ACTN1: variants seen among roughly 807,000 people sequenced by gnomAD.
The protein encoded by ACTN1 is alpha-actinin-1.
In ACTN1, 30 loss-of-function variants were observed where a neutral mutation model predicts 119.6. The observed-to-expected ratio is 0.25, with a 90% CI of 0.19 to 0.34. The LOEUF (loss-of-function observed/expected upper bound fraction) is 0.34. Ranked by LOEUF, ACTN1 falls within the 10% of genes least tolerant of loss-of-function variation. ACTN1 has a pLI of 1.00. For missense variants in ACTN1, 764 were observed against 1,223.4 expected, an observed-to-expected ratio of 0.62 and a Z score of 5.60; for synonymous variants, 429 against 472.6, an observed-to-expected ratio of 0.91 and a Z score of 1.20.
chr14:68,884,084 G>T, intron 14 of ACTN1, 84 bp downstream of exon 14: 1 of 1,388,816 alleles, frequency 7.2e-7, no homozygotes, highest in South Asian at 1.5e-5. Flanking sequence ...CTTCCTCAGG[G>T]GGCAGTCCTG....
chr14:68,933,383 G>A (rs571493353), intron 1 of ACTN1, among the ~76,000 whole-genome samples: 1 of 152,132 alleles, frequency 6.6e-6, no homozygotes, highest in African/African-American at 2.4e-5. Context: ...TGATCCGCCC[G>A]CCTCAGCCTC....
Position 68,925,622 on chromosome 14 carries a change from G to T in ACTN1, c.156C>A (p.Ile52=). ...CCCGGAAGTCCTCTTCGATGTTCTC[G>T]ATCTGTGTCCCCGCCTTCCGGAGGT... The part of the protein sequence containing the change: ...NSHLRKAGTQ[I]ENIEEDFRDG... The change falls in exon 2 of 22, where the codon ATC becomes ATA. Residue 52 remains isoleucine (I), a synonymous_variant. Transcript: ENST00000394419. The surrounding 1 kb of genome is among the most constrained non-coding windows in gnomAD (Gnocchi z 4.3). 6.2e-7 allele frequency: 1 copy of T among 1,613,460 alleles called. No individual in the cohort carries two copies. The highest frequency in any genetic ancestry group is 8.5e-7 in the Non-Finnish European group (1 of 1,179,696).
chr14:68,917,683 G>T (rs1391496429), intron 3 of ACTN1, among the ~76,000 whole-genome samples: 1 of 152,226 alleles, frequency 6.6e-6, no homozygotes, highest in Non-Finnish European at 1.5e-5. Flanking sequence ...TGCTCAGCCT[G>T]ATGGGAGTGG....
intron 9 of ACTN1, among the ~76,000 whole-genome samples, chr14:68,893,098 A>T (rs1389783481): frequency 7.2e-5 from 11 of 152,170 alleles, no homozygotes; most frequent in Admixed American, 7.2e-4. Context: ...AGATCCACCA[A>T]GAGGCTGGGC....
Position 68,879,859 on chromosome 14 carries a change from C to T in ACTN1, c.2280+103G>A. The T allele has an allele frequency of 6.7e-7, 1 of 1,490,690 alleles. No individual in the cohort carries two copies. The highest frequency in any genetic ancestry group is 1.3e-5 in the South Asian group (1 of 77,312). 92.3% of individuals were successfully genotyped at this position (1,490,690 alleles called of 1,614,324 possible). On this transcript the variant is annotated intron_variant, in intron 18 of 21. Transcript: ENST00000394419. The surrounding 1 kb of genome is among the most constrained non-coding windows in gnomAD (Gnocchi z 4.9). Reference sequence around the variant, plus strand: ...CTGACGGCAGTTTCCCCTTTCTCTCCCTCCTCACTTGCATGGCAGCCCACG... The same window carrying T: ...CTGACGGCAGTTTCCCCTTTCTCTCTCTCCTCACTTGCATGGCAGCCCACG...
At chr14:68,934,720 T>A (rs956324945) in intron 1 of ACTN1, among the ~76,000 whole-genome samples, 1 of 152,250 alleles carries the variant, frequency 6.6e-6, no homozygotes, top group African/African-American at 2.4e-5. Flanking sequence ...ATTAATAAGG[T>A]ATTAGGTTAA....
At chr14:68,899,013 AC>A (rs1231380123) in intron 8 of ACTN1, among the ~76,000 whole-genome samples, 1 of 131,190 alleles carries the variant, frequency 7.6e-6, no homozygotes, top group African/African-American at 3.1e-5. Flanking sequence ...TACACCTCAC[AC>A]CCACAGCACA....
intron 1 of ACTN1, among the ~76,000 whole-genome samples, chr14:68,938,513 AGAC>A (rs1480480582): frequency 6.6e-6 from 1 of 152,146 alleles, no homozygotes; most frequent in Non-Finnish European, 1.5e-5. Flanking sequence ...ACAGAATGAA[AGAC>A]GACCAAATTA....
At chr14:68,931,394 C>T (rs1376455211) in intron 1 of ACTN1, among the ~76,000 whole-genome samples, 1 of 152,246 alleles carries the variant, frequency 6.6e-6, no homozygotes. Flanking sequence ...AGATGGTAAG[C>T]AGACCAGACA....
At chr14:68,936,547 G>A (rs2035525532) in intron 1 of ACTN1, 1 of 450,722 alleles carries the variant, frequency 2.2e-6, no homozygotes, top group Non-Finnish European at 4.2e-6. Context: ...TCTGTCTAGG[G>A]GGTGGCGGGA....
chr14:68,931,037 G>C (rs2035200936), intron 1 of ACTN1, among the ~76,000 whole-genome samples: 1 of 152,184 alleles, frequency 6.6e-6, no homozygotes, highest in African/African-American at 2.4e-5. Flanking sequence ...TCAACCTCCT[G>C]ACTCCTCCAG....
rs75219984 is a variant in ACTN1 at position 68,876,987 on chromosome 14, G to A, written c.2586+95C>T. ...GCCAAAGGACCCTGGAAGAAGGGGC[G>A]GTTGAGGAGTTCATGTTCCAGCTCT... On this transcript the variant is annotated intron_variant, in intron 21 of 21. Transcript: ENST00000394419. The A allele has an allele frequency of 8.7e-3, 12,546 of 1,441,328 alleles. 230 individuals are homozygous for A. The highest frequency in any genetic ancestry group is 0.073 in the African/African-American group (5,144 of 70,614). The allele number at this position is 1,441,328 out of a possible 1,614,324, so 89.3% of individuals were successfully genotyped here. A position where few individuals can be genotyped will look rare whatever the true frequency, so the allele number is the denominator to read the frequency against.
chr14:68,941,166 G>C (rs2035752233), intron 1 of ACTN1, among the ~76,000 whole-genome samples: 1 of 152,234 alleles, frequency 6.6e-6, no homozygotes, highest in Non-Finnish European at 1.5e-5. Context: ...TCAAAGTCTG[G>C]GCTCACAGTG....
chr14:68,950,087 A>C (rs1363173879), intron 1 of ACTN1, among the ~76,000 whole-genome samples: 1 of 152,150 alleles, frequency 6.6e-6, no homozygotes, highest in Non-Finnish European at 1.5e-5. Flanking sequence ...CAAGGTCAGG[A>C]GTTCGAGACC....
At chr14:68,886,278 G>A (rs545943107) in intron 11 of ACTN1, 3 of 152,266 alleles carry the variant, frequency 2.0e-5, no homozygotes, top group African/African-American at 2.4e-5. Context: ...TGGTATGCTC[G>A]GCCCATCTCA....
intron 6 of ACTN1, among the ~76,000 whole-genome samples, chr14:68,908,012 T>C (rs1229914989): frequency 6.7e-6 from 1 of 148,492 alleles, no homozygotes; most frequent in African/African-American, 2.5e-5. Context: ...AAGGTTCTCT[T>C]TTTTTTTTTT....
intron 1 of ACTN1, among the ~76,000 whole-genome samples, chr14:68,932,513 C>CTG (rs1478095805): frequency 1.1e-5 from 1 of 87,304 alleles, no homozygotes; most frequent in Non-Finnish European, 2.1e-5. Flanking sequence ...ATACACCCAG[C>CTG]TTTTTTTTTT....
Position 68,955,958 on chromosome 14 carries a change from G to A in ACTN1, c.105+22994C>T, listed in dbSNP as rs1186395718. Among the ~76,000 whole-genome samples, 5 of 152,334 alleles carry A rather than the reference G, an allele frequency of 3.3e-5. No homozygotes were observed. In the South Asian group the frequency reaches 8.3e-4, roughly 25 times the overall value. ...GTGAATTTACGGTCTAAGCCACAAGGAGACAAAGCTTCATTAAGAAGGTCC... is the reference window on the plus strand; with the variant it reads ...GTGAATTTACGGTCTAAGCCACAAGAAGACAAAGCTTCATTAAGAAGGTCC... On this transcript the variant is annotated intron_variant, in intron 1 of 21. Coordinates refer to ENST00000394419, the MANE Select transcript of ACTN1 (RefSeq NM_001130004.2).
chr14:68,930,573 G>T (rs1011699554), intron 1 of ACTN1, among the ~76,000 whole-genome samples: 4 of 152,190 alleles, frequency 2.6e-5, no homozygotes, highest in African/African-American at 7.2e-5. Flanking sequence ...GGAGGGCCAT[G>T]GGATTCACTC....
Sources: gnomAD v4.1 joint callset for allele counts (sites outside exome capture counted in the v4.1 genomes callset) on GRCh38, gnomAD v4.1.1 for gene constraint, Gnocchi (gnomAD v3.1) non-coding constraint, MANE v1.5 for transcripts, NCBI Gene and HGNC (gene_info 2026-07-23, HGNC 2026-07-21) for gene names.